The following IPO7 variants were observed in gnomAD, a reference collection of about 807,000 sequenced individuals.
IPO7 encodes the protein importin-7.
Under a neutral mutation model 136.4 loss-of-function variants are expected in IPO7, and 13 were observed. The observed-to-expected ratio is 0.10, with a 90% confidence interval of 0.06 to 0.15. IPO7 has a LOEUF of 0.15. Among genes scored for constraint, IPO7 ranks in the 10% least tolerant of loss-of-function variants. The probability of loss-of-function intolerance (pLI) is 1.00; values close to 1 mark genes in which losing one functional copy is unlikely to be tolerated. For synonymous variants in IPO7, 403 were observed against 404.4 expected (o/e 1.00, Z 0.04); for missense variants, 857 against 1,240.6 (o/e 0.69, Z 4.65).
chr11:9,410,576 C>T (rs1173581343), intron 4 of IPO7, among the ~76,000 whole-genome samples: 2 of 121,854 alleles, frequency 1.6e-5, no homozygotes, highest in African/African-American at 5.9e-5. Context: ...GGGATTCACA[C>T]TCACCTATTT....
intron 2 of IPO7, among the ~76,000 whole-genome samples, chr11:9,408,018 C>T (rs1319694099): frequency 6.6e-6 from 1 of 152,132 alleles, no homozygotes; most frequent in Non-Finnish European, 1.5e-5. Context: ...GATTGAAATA[C>T]TTAAATTTAT....
In IPO7 at chr11:9,384,746, G is replaced by A. The variant is rs1416569799; in HGVS notation, c.-18G>A. 2 of 1,582,940 alleles carry A rather than the reference G, an allele frequency of 1.3e-6. No homozygotes were observed. The highest frequency in any genetic ancestry group is 1.7e-6 in the Non-Finnish European group (2 of 1,163,988). On this transcript the variant is annotated 5_prime_UTR_variant, in exon 1 of 25. It removes the in-frame stop codon of an upstream open reading frame in the 5' UTR. Transcript: ENST00000379719. ...CCAGTAGCACCCGAGCCCCGGGTTT[G>A]ACCGAGTCCGCGCTGCGATGGACCC...
At position 9,421,585 on chromosome 11, in the gene IPO7, G is replaced by A. The variant is rs980189040; in HGVS notation, c.906+887G>A. Reference sequence around the variant, plus strand: ...AGAGGTTGCAGTGGGCTGAGATCACGCCACTGCACTCCAGCCTGGGTTACA... The same window carrying A: ...AGAGGTTGCAGTGGGCTGAGATCACACCACTGCACTCCAGCCTGGGTTACA... On this transcript the variant is annotated intron_variant, in intron 8 of 24. Transcript: ENST00000379719. 9.3e-5 allele frequency among the ~76,000 whole-genome samples: 14 copies of A among 150,536 alleles called. No individual in the cohort carries two copies. In the East Asian group the frequency reaches 1.2e-3, roughly 13 times the overall value.
intron 14 of IPO7, 30 bp downstream of exon 14, chr11:9,429,226 G>C (rs1855257647): frequency 1.0e-5 from 16 of 1,591,348 alleles, no homozygotes; most frequent in Non-Finnish European, 1.4e-5. Flanking sequence ...CAAGAAAAGT[G>C]AATGTTGGCC....
In IPO7 at chr11:9,446,754, A is replaced by G. The variant is rs1565007320; in HGVS notation, c.*1560A>G. On this transcript the variant is annotated 3_prime_UTR_variant, in exon 25 of 25. Coordinates refer to ENST00000379719, the MANE Select transcript of IPO7 (RefSeq NM_006391.3). Reference sequence around the variant, plus strand: ...TTAAAATGCGTAATTAAGAAAACCCATTGTTGTTGTGTTTTTCTTGTATAC... The same window carrying G: ...TTAAAATGCGTAATTAAGAAAACCCGTTGTTGTTGTGTTTTTCTTGTATAC... 1 of 152,174 alleles carries G rather than the reference A, an allele frequency of 6.6e-6. No homozygotes were observed. The highest frequency in any genetic ancestry group is 2.4e-5 in the African/African-American group (1 of 41,446). The allele number at this position is 152,174 out of a possible 1,614,324, so 9.4% of individuals were successfully genotyped here. A position where few individuals can be genotyped will look rare whatever the true frequency, so the allele number is the denominator to read the frequency against.
chr11:9,430,452 A>G (rs1565002007), intron 15 of IPO7: 1 of 160,094 alleles, frequency 6.2e-6, no homozygotes, highest in Non-Finnish European at 1.4e-5. Context: ...CTATCTGCAT[A>G]GTGCCCTGGA....
Position 9,433,860 on chromosome 11 carries a change from G to A in IPO7, c.2074+14G>A. 6.2e-7 allele frequency: 1 copy of A among 1,605,116 alleles called. No homozygotes were observed. Among genetic ancestry groups the A allele is most frequent in the Non-Finnish European group, 8.5e-7 (1 of 1,177,836 alleles). On this transcript the variant is annotated intron_variant, in intron 18 of 24. Transcript: ENST00000379719. ...ATTACTTTACAGGTGAGTCAAAGCA[G>A]CATGGAAATACTGAGGGTTTTCCCT... is the stretch of plus-strand genomic sequence containing the variant.
Position 9,432,989 on chromosome 11 carries a change from G to GTTTTTTTTTTTTTTTTTTTTTTTTTT in IPO7, c.1882-565_1882-564insTTTTTTTTTTTTTTTTTTTTTTTTTT, listed in dbSNP as rs397953468. ...TAACAGATGGGCTATCTTCCAAATG[G>GTTTTTTTTTTTTTTTTTTTTTTTTTT]TTTTTTTTTTTTTTTTGAGATGGAG... On this transcript the variant is annotated intron_variant, in intron 16 of 24. Coordinates refer to ENST00000379719, the MANE Select transcript of IPO7 (RefSeq NM_006391.3). The GTTTTTTTTTTTTTTTTTTTTTTTTTT allele has an allele frequency of 6.7e-4, 82 of 123,230 alleles. 5 individuals are homozygous for GTTTTTTTTTTTTTTTTTTTTTTTTTT. Among genetic ancestry groups the GTTTTTTTTTTTTTTTTTTTTTTTTTT allele is most frequent in the African/African-American group, 2.3e-3 (79 of 34,334 alleles). The allele number at this position is 123,230 out of a possible 1,614,324, so 7.6% of individuals were successfully genotyped here. A position where few individuals can be genotyped will look rare whatever the true frequency, so the allele number is the denominator to read the frequency against.
chr11:9,386,196 A>G (rs1467002199), intron 1 of IPO7, among the ~76,000 whole-genome samples: 4 of 152,210 alleles, frequency 2.6e-5, no homozygotes, highest in African/African-American at 9.7e-5. Flanking sequence ...ATGTAAAATT[A>G]TTTCAGAATG....
intron 1 of IPO7, among the ~76,000 whole-genome samples, chr11:9,401,681 A>T (rs574079620): frequency 8.5e-5 from 13 of 152,348 alleles, no homozygotes; most frequent in African/African-American, 2.9e-4. Context: ...TAAAAATTTT[A>T]AAATGTGGGA....
At chr11:9,406,102 G>GTATTTTTTTTTT (rs1360656618) in intron 2 of IPO7, among the ~76,000 whole-genome samples, 1 of 63,888 alleles carries the variant, frequency 1.6e-5, no homozygotes, top group African/African-American at 5.5e-5. Flanking sequence ...GCTGAGGCTG[G>GTATTTTTTTTTT]TCTTTTTTTT....
intron 12 of IPO7, among the ~76,000 whole-genome samples, chr11:9,427,407 C>T (rs1480162685): frequency 6.6e-6 from 1 of 151,892 alleles, no homozygotes; most frequent in African/African-American, 2.4e-5. Flanking sequence ...ACTGCAGACA[C>T]CTGCCACCAC....
At chr11:9,433,690 A>G in intron 17 of IPO7, 31 bp from the exon 18 acceptor site, 1 of 1,613,190 alleles carries the variant, frequency 6.2e-7, no homozygotes, top group Non-Finnish European at 8.5e-7. Flanking sequence ...ATGAGCAAGC[A>G]TTTTCCTAAT....
intron 1 of IPO7, among the ~76,000 whole-genome samples, chr11:9,392,863 C>T (rs981113249): frequency 2.7e-5 from 4 of 150,492 alleles, no homozygotes; most frequent in Non-Finnish European, 4.4e-5. Flanking sequence ...GTATGAGAAC[C>T]GCTTGAACCT....
At chr11:9,411,047 A>G (rs570425346) in intron 4 of IPO7, among the ~76,000 whole-genome samples, 2 of 152,354 alleles carry the variant, frequency 1.3e-5, no homozygotes, top group Non-Finnish European at 2.9e-5. Flanking sequence ...CCAGCTACCC[A>G]TCTTCCTGCT....
At position 9,424,905 on chromosome 11, in the gene IPO7, G is replaced by A. The variant is rs768649128; in HGVS notation, c.1142-9G>A. 1 of 1,550,402 alleles carries A rather than the reference G, an allele frequency of 6.4e-7. No homozygotes were observed. Among genetic ancestry groups the A allele is most frequent in the African/African-American group, 1.4e-5 (1 of 72,784 alleles). ...TGTTTATTGTCTTAATTTTAAACTT[G>A]TTCTCTAGATGTGTTTGAAGATTTC... On this transcript the variant is annotated splice_polypyrimidine_tract_variant and intron_variant, in intron 10 of 24. Coordinates refer to ENST00000379719, the MANE Select transcript of IPO7 (RefSeq NM_006391.3).
chr11:9,430,503 A>G (rs1171112074), intron 15 of IPO7: 1 of 172,222 alleles, frequency 5.8e-6, no homozygotes, highest in East Asian at 1.6e-4. Flanking sequence ...AAGATAAATC[A>G]GTGACCCCCT....
chr11:9,390,168 G>C (rs1854608766), intron 1 of IPO7, among the ~76,000 whole-genome samples: 1 of 152,232 alleles, frequency 6.6e-6, no homozygotes, highest in Non-Finnish European at 1.5e-5. Flanking sequence ...TGGGATTACA[G>C]GCCTGAGCCA....
chr11:9,424,170 T>G (rs926176157), intron 10 of IPO7, among the ~76,000 whole-genome samples: 3 of 152,228 alleles, frequency 2.0e-5, no homozygotes, highest in African/African-American at 4.8e-5. Context: ...TTGGATCTTA[T>G]GTTAGCCATC....
Sources: gnomAD v4.1 joint callset for allele counts (sites outside exome capture counted in the v4.1 genomes callset) on GRCh38, gnomAD v4.1.1 for gene constraint, MANE v1.5 for transcripts, NCBI Gene and HGNC (gene_info 2026-07-23, HGNC 2026-07-21) for gene names.